TET2: variants seen among roughly 807,000 people sequenced by gnomAD.
TET2 encodes the protein methylcytosine dioxygenase TET2.
A neutral mutation model predicts 142.9 loss-of-function variants in TET2; 299 were observed. The observed-to-expected ratio is 2.09, with a 90% CI of 1.90 to 2.30. TET2 has a LOEUF of 2.30. TET2 is among the 30% of genes most tolerant of loss of function. The pLI is 0.00. For missense variants in TET2, 2,418 were observed against 2,378.0 expected (o/e 1.02, Z -0.35); for synonymous variants, 819 against 849.0 (o/e 0.96, Z 0.61).
chr4:105,159,525 G>C (rs1282087904), intron 1 of TET2, among the ~76,000 whole-genome samples: 1 of 152,036 alleles, frequency 6.6e-6, no homozygotes, highest in Non-Finnish European at 1.5e-5. Context: ...AAAGTGCTGG[G>C]ATTACAGGCT....
intron 4 of TET2, chr4:105,242,373 G>A: frequency 5.6e-6 from 6 of 1,079,856 alleles, no homozygotes; most frequent in Non-Finnish European, 6.8e-6. Context: ...TTTTCCATGT[G>A]GCTGGATACT....
rs933025268 is a variant in TET2, at chr4:105,279,171, A to T, written c.*2652A>T. The T allele has an allele frequency of 8.6e-6, 2 of 232,254 alleles. No individual in the cohort carries two copies. The highest frequency in any genetic ancestry group is 4.4e-5 in the African/African-American group (2 of 45,300). The allele number at this position is 232,254 out of a possible 1,614,324, so 14.4% of individuals were successfully genotyped here. A position where few individuals can be genotyped will look rare whatever the true frequency, so the allele number is the denominator to read the frequency against. On this transcript the variant is annotated 3_prime_UTR_variant, in exon 11 of 11. Transcript: ENST00000380013. ...TGTATACCATAATATCTAGCCCCAA[A>T]CATTTGATTACTACATGTGCATTGG...
chr4:105,236,142 C>T lies in TET2; in HGVS notation c.2200C>T (p.Gln734Ter), dbSNP rs766080673. 1 of 1,614,064 alleles carries T rather than the reference C, an allele frequency of 6.2e-7. No individual in the cohort carries two copies. Among genetic ancestry groups the T allele is most frequent in the Non-Finnish European group, 8.5e-7 (1 of 1,179,978 alleles). The change falls in exon 3 of 11, where the codon CAG becomes TAG. Residue 734 changes from glutamine (Q) to a stop codon, truncating the protein, a stop_gained. Coordinates refer to ENST00000380013, the MANE Select transcript of TET2 (RefSeq NM_001127208.3). LOFTEE classifies it high-confidence loss of function. ...HKQAAQTQPSQSSHLPQNQQQ... is the reference protein window; with the variant it reads ...HKQAAQTQPS Reference sequence around the variant, plus strand: ...ACAGGCAGCACAAACACAACCATCCCAGAGTTCACATCTCCCTCAAAACCA... The same window carrying T: ...ACAGGCAGCACAAACACAACCATCCTAGAGTTCACATCTCCCTCAAAACCA...
At chr4:105,195,962 A>T (rs1726065869) in intron 2 of TET2, among the ~76,000 whole-genome samples, 1 of 152,108 alleles carries the variant, frequency 6.6e-6, no homozygotes. Flanking sequence ...GTGCACACTC[A>T]CACACAATAC....
chr4:105,275,480 A>C lies in TET2; in HGVS notation c.4970A>C (p.Asp1657Ala). 1 of 1,551,654 alleles carries C rather than the reference A, an allele frequency of 6.4e-7. No individual in the cohort carries two copies. The highest frequency in any genetic ancestry group is 8.7e-7 in the Non-Finnish European group (1 of 1,146,968). Residue 1657 changes from aspartate (D) to alanine (A), a missense_variant, in exon 11 of 11, where the codon GAT (aspartate) becomes GCT (alanine). Asp to Ala is a moderately radical substitution (Grantham distance 126). Transcript: ENST00000380013. ...GSYSPQSQPM[D>A]LYRYPSQDPL... is the part of the protein sequence containing the mutation. ...TATTCTCCCCAGTCTCAGCCGATGG[A>C]TCTGTATAGGTATCCAAGCCAAGAC...
chr4:105,183,834 A>G (rs115890867), intron 1 of TET2, among the ~76,000 whole-genome samples: 2 of 152,326 alleles, frequency 1.3e-5, no homozygotes, highest in Non-Finnish European at 2.9e-5. Flanking sequence ...TTAAAGCATC[A>G]AAATCAATGC....
chr4:105,237,428 C>T, intron 3 of TET2, 77 bp downstream of exon 3: 1 of 1,613,596 alleles, frequency 6.2e-7, no homozygotes, highest in Non-Finnish European at 8.5e-7. Flanking sequence ...TGGGATTTTC[C>T]TTCTTTTTTT....
intron 2 of TET2, among the ~76,000 whole-genome samples, chr4:105,191,759 C>T (rs1725803432): frequency 6.6e-6 from 1 of 152,106 alleles, no homozygotes; most frequent in African/African-American, 2.4e-5. Flanking sequence ...TTGCCATTTT[C>T]AAGACACAGG....
chr4:105,182,260 A>G (rs1431993460), intron 1 of TET2, among the ~76,000 whole-genome samples: 1 of 152,198 alleles, frequency 6.6e-6, no homozygotes, highest in Non-Finnish European at 1.5e-5. Context: ...GGTTACTGAA[A>G]GATTTCCAAG....
At chr4:105,201,773 C>A (rs1280615755) in intron 2 of TET2, among the ~76,000 whole-genome samples, 1 of 115,510 alleles carries the variant, frequency 8.7e-6, no homozygotes, top group African/African-American at 3.3e-5. Flanking sequence ...CAGGGTTTCA[C>A]TCCTGTTGCC....
At chr4:105,244,569 C>T (rs1054724084) in intron 6 of TET2, among the ~76,000 whole-genome samples, 2 of 143,060 alleles carry the variant, frequency 1.4e-5, no homozygotes, top group African/African-American at 2.6e-5. Context: ...TGAATGTTCA[C>T]GGTGCTACAC....
chr4:105,151,155 AC>A (rs1723279117), intron 1 of TET2, among the ~76,000 whole-genome samples: 1 of 152,094 alleles, frequency 6.6e-6, no homozygotes, highest in African/African-American at 2.4e-5. Context: ...CCCAGTCTCT[AC>A]AAAAAATTTA....
Position 105,276,920 on chromosome 4 carries a change from A to G in TET2, c.*401A>G. The G allele has an allele frequency of 4.1e-6, 1 of 243,446 alleles. No homozygotes were observed. The highest frequency in any genetic ancestry group is 8.0e-6 in the Non-Finnish European group (1 of 124,466). The allele number at this position is 243,446 out of a possible 1,614,324, so 15.1% of individuals were successfully genotyped here. ...TTGCATAGTCATGGAACACAAATCAAACAAGTACTGTAGTATTACAGTGAC... is the reference window on the plus strand; with the variant it reads ...TTGCATAGTCATGGAACACAAATCAGACAAGTACTGTAGTATTACAGTGAC... On this transcript the variant is annotated 3_prime_UTR_variant, in exon 11 of 11. Transcript: ENST00000380013.
In TET2 at chr4:105,276,838, T is replaced by TCCCCCC. The variant is rs59576487; in HGVS notation, c.*325_*330dup. The TCCCCCC allele has an allele frequency of 2.1e-4, 32 of 155,880 alleles. No homozygotes were observed. The highest frequency in any genetic ancestry group is 2.9e-4 in the Non-Finnish European group (24 of 81,364). 9.7% of individuals were successfully genotyped at this position (155,880 alleles called of 1,614,324 possible). ...TGGACGAGATGATATGTAAATGTGA[T>TCCCCCC]CCCCCCCCCCCGCTTACAACTCTAC... is the stretch of plus-strand genomic sequence containing the variant. On this transcript the variant is annotated 3_prime_UTR_variant, in exon 11 of 11. Coordinates refer to ENST00000380013, the MANE Select transcript of TET2 (RefSeq NM_001127208.3).
chr4:105,272,454 A>C, intron 9 of TET2, 110 bp from the exon 10 acceptor site: 1 of 715,688 alleles, frequency 1.4e-6, no homozygotes, highest in South Asian at 2.0e-5. Context: ...ATCTGGATCA[A>C]CTAGGCCACC....
Position 105,236,469 on chromosome 4 carries a change from G to A in TET2, c.2527G>A (p.Glu843Lys). Residue 843 changes from glutamate to lysine, a missense_variant, in exon 3 of 11, where the codon GAG becomes AAG. Transcript: ENST00000380013. The part of the protein sequence containing the change: ...SCSNNTHLVS[E>K]NKEQTTHPEL... ...TTCAAACAATACACACCTAGTTTCA[G>A]AGAATAAAGAACAGACTACACATCC... The A allele has an allele frequency of 6.2e-7, 1 of 1,614,072 alleles. No individual in the cohort carries two copies. The highest frequency in any genetic ancestry group is 8.5e-7 in the Non-Finnish European group (1 of 1,180,008).
intron 1 of TET2, among the ~76,000 whole-genome samples, chr4:105,176,739 G>T (rs973619378): frequency 6.6e-6 from 1 of 152,086 alleles, no homozygotes; most frequent in African/African-American, 2.4e-5. Context: ...AACACAGCAC[G>T]ATATTTTATG....
At position 105,275,866 on chromosome 4, in the gene TET2, G is replaced by A. The variant is rs1731194131; in HGVS notation, c.5356G>A (p.Glu1786Lys). 1 of 1,551,904 alleles carries A rather than the reference G, an allele frequency of 6.4e-7. No individual in the cohort carries two copies. The highest frequency in any genetic ancestry group is 1.2e-5 in the South Asian group (1 of 84,062). Residue 1786 changes from glutamate (E) to lysine (K), a missense_variant, in exon 11 of 11, where the codon GAG (glutamate) becomes AAG (lysine). Glu to Lys is a moderately conservative substitution (Grantham distance 56). Transcript: ENST00000380013. ...SLHALHLQNK[E>K]NDMLSHTANG... ...TCATGCCCTGCATCTCCAAAACAAG[G>A]AGAATGACATGCTTTCCCACACAGC...
chr4:105,237,766 T>G, intron 3 of TET2: 2 of 1,160,024 alleles, frequency 1.7e-6, no homozygotes, highest in South Asian at 5.3e-5. Context: ...ATTTTTTAAT[T>G]CAAGGTAAAA....
Sources: gnomAD v4.1 joint callset for allele counts (sites outside exome capture counted in the v4.1 genomes callset) on GRCh38, gnomAD v4.1.1 for gene constraint, MANE v1.5 for transcripts, NCBI Gene and HGNC (gene_info 2026-07-23, HGNC 2026-07-21) for gene names.